Variants in NAV2 observed in about 807,000 individuals in gnomAD.
NAV2 encodes helicase, APC down-regulated 1.
Under a neutral mutation model 223.2 loss-of-function variants are expected in NAV2, and 54 were observed. That is an observed-to-expected ratio of 0.24 (90% confidence interval 0.19 to 0.30). The LOEUF is 0.30. NAV2 is among the 10% of genes least tolerant of loss of function. The pLI is 1.00. For synonymous variants in NAV2, 1,279 were observed against 1,239.3 expected, an observed-to-expected ratio of 1.03 and a Z score of -0.67; for missense variants, 2,806 against 3,147.5, an observed-to-expected ratio of 0.89 and a Z score of 2.60.
intron 1 of NAV2, among the ~76,000 whole-genome samples, chr11:19,776,582 G>C (rs1225626708): frequency 7.1e-6 from 1 of 140,808 alleles, no homozygotes; most frequent in Non-Finnish European, 1.6e-5. Flanking sequence ...GCAGGGGTGT[G>C]TGTGTGTGTG....
intron 6 of NAV2, among the ~76,000 whole-genome samples, chr11:19,902,055 G>A (rs1373395614): frequency 6.6e-6 from 1 of 152,128 alleles, no homozygotes; most frequent in Non-Finnish European, 1.5e-5. Flanking sequence ...AGAGCTTGGT[G>A]GTACTTTATG....
intron 1 of NAV2, among the ~76,000 whole-genome samples, chr11:19,803,232 G>T (rs1030333345): frequency 2.6e-5 from 4 of 152,198 alleles, no homozygotes; most frequent in African/African-American, 9.6e-5. Flanking sequence ...CTAAACAACA[G>T]AATCACCAGT....
chr11:19,451,677 G>C (rs1052929515), intron 1 of NAV2, among the ~76,000 whole-genome samples: 1 of 152,230 alleles, frequency 6.6e-6, no homozygotes, highest in Non-Finnish European at 1.5e-5. Flanking sequence ...GAATTGAAAG[G>C]CCTGCCTGTC....
intron 1 of NAV2, among the ~76,000 whole-genome samples, chr11:19,424,753 G>T (rs1348374250): frequency 6.6e-6 from 1 of 152,034 alleles, no homozygotes; most frequent in Admixed American, 6.6e-5. Flanking sequence ...GTTTCGCCAT[G>T]TTGGCCAGGC....
At chr11:19,561,864 A>G (rs970490385) in intron 1 of NAV2, among the ~76,000 whole-genome samples, 13 of 152,218 alleles carry the variant, frequency 8.5e-5, no homozygotes, top group African/African-American at 3.1e-4. Flanking sequence ...GCCTTGGCTA[A>G]GAAGAGATCC....
intron 11 of NAV2, among the ~76,000 whole-genome samples, chr11:19,987,806 T>TC (rs2050932376): frequency 6.6e-6 from 1 of 152,174 alleles, no homozygotes; most frequent in Non-Finnish European, 1.5e-5. Context: ...CTGATAGTGA[T>TC]CAGTGTCTAC....
In NAV2 at chr11:20,083,053, A is replaced by G; in HGVS notation, c.5372A>G (p.Lys1791Arg). The G allele has an allele frequency of 1.9e-6, 3 of 1,614,002 alleles. No homozygotes were observed. Among genetic ancestry groups the G allele is most frequent in the Non-Finnish European group, 2.5e-6 (3 of 1,179,968 alleles). ...KQAFGKKKSPKSASSHSDIEE... is the reference protein window; with the variant it reads ...KQAFGKKKSPRSASSHSDIEE... ...GCTTTCGGGAAGAAGAAGTCCCCAA[A>G]ATCTGCGTCCTCTCATTCAGATATT... The change falls in exon 26 of 38, where the codon AAA (lysine) becomes AGA (arginine). Residue 1791 changes from lysine (K) to arginine (R), a missense_variant. This residue lies in a region of NAV2 where 824 missense variants were observed against 1,069.4 expected (regional missense o/e 0.77). Transcript: ENST00000349880.
At chr11:19,859,808 C>A (rs1368835818) in intron 3 of NAV2, among the ~76,000 whole-genome samples, 25 of 146,698 alleles carry the variant, frequency 1.7e-4, no homozygotes, top group Non-Finnish European at 3.5e-4. Flanking sequence ...GGCGGCTGGC[C>A]GGGCGGGGGG....
At position 19,374,309 on chromosome 11, in the gene NAV2, GTTTTTTTTTT is replaced by G. The variant is rs10533713; in HGVS notation, c.75+23297_75+23306del. ...ATCCAAAGAGAATTTTTCCGAAAAG[GTTTTTTTTTT>G]TTTTTTTTTTTTTTAAAATCAGCTA... On this transcript the variant is annotated intron_variant, in intron 1 of 37. Transcript: ENST00000360655. Among the ~76,000 whole-genome samples the G allele has an allele frequency of 2.4e-5, 3 of 124,582 alleles. No homozygotes were observed. In the South Asian group the frequency reaches 8.5e-4, roughly 35 times the overall value. The allele number at this position is 124,582 out of a possible 152,430, so 81.7% of individuals were successfully genotyped here. A position where few individuals can be genotyped will look rare whatever the true frequency, so the allele number is the denominator to read the frequency against.
chr11:19,949,188 C>T, intron 10 of NAV2, 108 bp downstream of exon 10: 1 of 1,235,504 alleles, frequency 8.1e-7, no homozygotes, highest in East Asian at 2.6e-5. Flanking sequence ...AAACTGCCCA[C>T]CTGAGTTTCT....
At chr11:20,033,838 C>T (rs551474492) in intron 11 of NAV2, among the ~76,000 whole-genome samples, 9 of 152,178 alleles carry the variant, frequency 5.9e-5, no homozygotes, top group African/African-American at 1.2e-4. Context: ...GTGTGGCAGA[C>T]GTTCTGTTGG....
At chr11:19,798,548 G>A (rs995864999) in intron 1 of NAV2, among the ~76,000 whole-genome samples, 1 of 152,190 alleles carries the variant, frequency 6.6e-6, no homozygotes, top group Non-Finnish European at 1.5e-5. Flanking sequence ...TGGAAGGGAG[G>A]CTGGCCACGG....
At chr11:19,757,817 A>G (rs141944370) in intron 1 of NAV2, among the ~76,000 whole-genome samples, 1 of 152,330 alleles carries the variant, frequency 6.6e-6, no homozygotes, top group East Asian at 1.9e-4. Context: ...TCTATTTTAC[A>G]GATGAGGAAA....
chr11:19,895,412 T>G (rs1368779423), intron 6 of NAV2, among the ~76,000 whole-genome samples: 1 of 152,158 alleles, frequency 6.6e-6, no homozygotes, highest in Non-Finnish European at 1.5e-5. Context: ...TTACAAATAT[T>G]CTGTGAGGTA....
chr11:19,550,669 G>T (rs184362795), intron 1 of NAV2, among the ~76,000 whole-genome samples: 1 of 152,336 alleles, frequency 6.6e-6, no homozygotes, highest in East Asian at 1.9e-4. Context: ...CAATGCTGTG[G>T]CTTCCTACGT....
intron 1 of NAV2, among the ~76,000 whole-genome samples, chr11:19,614,410 C>T (rs747495971): frequency 2.0e-5 from 3 of 152,128 alleles, no homozygotes; most frequent in African/African-American, 7.2e-5. Context: ...CTCTCTCTCT[C>T]TCTTTAATTA....
At chr11:19,659,332 T>G (rs2048211004) in intron 1 of NAV2, among the ~76,000 whole-genome samples, 1 of 152,094 alleles carries the variant, frequency 6.6e-6, no homozygotes, top group Admixed American at 6.6e-5. Flanking sequence ...GAGTGTGTGG[T>G]GGGCAAGAAG....
intron 11 of NAV2, among the ~76,000 whole-genome samples, chr11:19,991,272 C>T (rs2051305699): frequency 6.6e-6 from 1 of 152,006 alleles, no homozygotes; most frequent in African/African-American, 2.4e-5. Context: ...ATTACAGGTG[C>T]ATGCCACTGC....
Position 19,691,257 on chromosome 11 carries a change from GA to G in NAV2, c.76-141217del, listed in dbSNP as rs201821073. ...GTTCTAGTAGCCACATTAAAAAACA[GA>G]AAAAAAAAACAGATGACATTCATTA... On this transcript the variant is annotated intron_variant, in intron 1 of 37. Coordinates refer to the NAV2 transcript ENST00000360655. Among the ~76,000 whole-genome samples the G allele has an allele frequency of 1.7e-4, 13 of 74,686 alleles. No homozygotes were observed. In the East Asian group the frequency reaches 2.3e-3, roughly 13 times the overall value. 49.0% of individuals were successfully genotyped at this position (74,686 alleles called of 152,430 possible).
Sources: allele counts gnomAD v4.1 joint callset (sites outside exome capture counted in the v4.1 genomes callset), GRCh38; gene constraint gnomAD v4.1.1; regional missense constraint gnomAD v4.1.1; transcripts MANE v1.5; gene names NCBI Gene and HGNC (gene_info 2026-07-23, HGNC 2026-07-21).